The following RBFOX1 variants were observed in gnomAD, a reference collection of about 807,000 sequenced individuals.
The protein encoded by RBFOX1 is RNA binding protein fox-1 homolog 1.
RBFOX1 carries 8 observed loss-of-function variants against 57.7 expected under a neutral mutation model. The ratio of observed to expected loss-of-function variants is 0.14; its 90% CI spans 0.08 to 0.25. The LOEUF (loss-of-function observed/expected upper bound fraction) is 0.25. Among genes scored for constraint, RBFOX1 ranks in the 10% least tolerant of loss-of-function variants. The pLI is 1.00. For missense variants in RBFOX1, 611 were observed against 548.5 expected (o/e 1.11, Z -1.14); for synonymous variants, 326 against 222.4 (o/e 1.47, Z -4.15).
chr16:5,454,860 TTCTTTCTTTC>T, intron 1 of RBFOX1, among the ~76,000 whole-genome samples: 1 of 28,648 alleles, frequency 3.5e-5, no homozygotes. Flanking sequence ...TTTCTTTTCT[TTCTTTCTTTC>T]TTTCTTTCTT....
chr16:7,683,983 C>A (rs1302583931), intron 14 of RBFOX1, among the ~76,000 whole-genome samples: 1 of 152,078 alleles, frequency 6.6e-6, no homozygotes, highest in African/African-American at 2.4e-5. Context: ...GGTTTTATGT[C>A]ACTAGGTAGT....
intron 1 of RBFOX1, among the ~76,000 whole-genome samples, chr16:6,243,600 G>A (rs1372594440): frequency 1.3e-5 from 2 of 152,220 alleles, no homozygotes; most frequent in Non-Finnish European, 2.9e-5. Flanking sequence ...GTATAGACTC[G>A]GGTCAGGTGG....
intron 1 of RBFOX1, among the ~76,000 whole-genome samples, chr16:6,228,006 C>G (rs978013203): frequency 2.6e-5 from 4 of 152,146 alleles, no homozygotes; most frequent in African/African-American, 9.7e-5. Context: ...TATTGCAGCA[C>G]TATTCAAACT....
chr16:6,838,726 C>T (rs1009201855), intron 3 of RBFOX1, among the ~76,000 whole-genome samples: 3 of 152,138 alleles, frequency 2.0e-5, no homozygotes, highest in African/African-American at 4.8e-5. Context: ...CGTCCTGCAT[C>T]GGTAATACAT....
chr16:5,296,837 C>T (rs1173963289), intron 1 of RBFOX1, among the ~76,000 whole-genome samples: 1 of 151,986 alleles, frequency 6.6e-6, no homozygotes, highest in South Asian at 2.1e-4. Flanking sequence ...CACCACCACG[C>T]CCAGCTAATT....
intron 1 of RBFOX1, among the ~76,000 whole-genome samples, chr16:5,375,470 G>A (rs2151380253): frequency 6.6e-6 from 1 of 152,298 alleles, no homozygotes; most frequent in South Asian, 2.1e-4. Context: ...GGATAGTGAC[G>A]GTGATAAGTC....
intron 2 of RBFOX1, among the ~76,000 whole-genome samples, chr16:6,353,612 C>G (rs144312218): frequency 6.6e-6 from 1 of 152,144 alleles, no homozygotes; most frequent in Non-Finnish European, 1.5e-5. Flanking sequence ...GATTCAAAGA[C>G]TTATCTAAGA....
At chr16:5,603,159 A>T (rs137859589), downstream of RBFOX1, among the ~76,000 whole-genome samples, 130 of 152,310 alleles carry the variant, frequency 8.5e-4, no homozygotes, top group Middle Eastern at 0.02. Flanking sequence ...TCTCCCAGAA[A>T]GGGCTTTCCC....
chr16:6,406,275 C>T (rs1470775157), intron 2 of RBFOX1, among the ~76,000 whole-genome samples: 1 of 152,186 alleles, frequency 6.6e-6, no homozygotes, highest in Non-Finnish European at 1.5e-5. Flanking sequence ...CTCCTGTCAT[C>T]TGGGACTCAT....
chr16:6,429,609 G>T (rs1366010482), intron 2 of RBFOX1, among the ~76,000 whole-genome samples: 7 of 152,300 alleles, frequency 4.6e-5, no homozygotes, highest in Non-Finnish European at 8.8e-5. Context: ...TAATCCCCAT[G>T]TGTCAAGGGT....
intron 1 of RBFOX1, chr16:5,366,358 A>G: frequency 2.7e-6 from 1 of 373,008 alleles, no homozygotes; most frequent in Non-Finnish European, 5.2e-6. Flanking sequence ...TTTGATAATG[A>G]GAAAACTGAA....
At chr16:7,052,794 T>C (rs1197801810) in intron 4 of RBFOX1, among the ~76,000 whole-genome samples, 1 of 152,206 alleles carries the variant, frequency 6.6e-6, no homozygotes, top group Non-Finnish European at 1.5e-5. Flanking sequence ...TAAGAAACTT[T>C]GGGATTTCTT....
intron 4 of RBFOX1, among the ~76,000 whole-genome samples, chr16:7,174,479 G>T (rs2081282134): frequency 6.6e-6 from 1 of 152,104 alleles, no homozygotes; most frequent in Non-Finnish European, 1.5e-5. Context: ...TTAAGTTTGA[G>T]CTTAAGAAAC....
intron 4 of RBFOX1, among the ~76,000 whole-genome samples, chr16:7,313,679 C>T (rs971203906): frequency 6.8e-6 from 1 of 147,162 alleles, no homozygotes; most frequent in African/African-American, 2.5e-5. Context: ...CGAATAAGCA[C>T]TTTTACATGG....
In RBFOX1 at chr16:6,589,580, G is replaced by C. The variant is rs544805199; in HGVS notation, c.-63-65023G>C. 9.2e-5 allele frequency among the ~76,000 whole-genome samples: 14 copies of C among 152,324 alleles called. No homozygotes were observed. In the South Asian group the frequency reaches 2.9e-3, roughly 32 times the overall value. On this transcript the variant is annotated intron_variant, in intron 2 of 15. Transcript: ENST00000550418. ...ACTGGTCTTATATTTTACAATAGTGGTGTTATCCCAGGAGCAATCTGGGGA... is the reference window on the plus strand; with the variant it reads ...ACTGGTCTTATATTTTACAATAGTGCTGTTATCCCAGGAGCAATCTGGGGA...
At chr16:5,859,194 G>T (rs1305981694) in intron 3 of RBFOX1, among the ~76,000 whole-genome samples, 3 of 152,198 alleles carry the variant, frequency 2.0e-5, no homozygotes, top group Non-Finnish European at 4.4e-5. Context: ...GACACAGCGA[G>T]ACTCTGTCTC....
chr16:7,245,518 A>G (rs2094256729), intron 4 of RBFOX1, among the ~76,000 whole-genome samples: 1 of 152,234 alleles, frequency 6.6e-6, no homozygotes, highest in Non-Finnish European at 1.5e-5. Flanking sequence ...AACAGAGGCT[A>G]TTATGATTTG....
Position 6,184,547 on chromosome 16 carries a change from A to G in RBFOX1, c.-126-132448A>G, listed in dbSNP as rs569155938. On this transcript the variant is annotated intron_variant, in intron 1 of 15. Transcript: ENST00000550418. Reference sequence around the variant, plus strand: ...GAAAGAGAGAGAGGGGTCAGTGTTTACTATGGGAATTTTTATTATTCTTAT... The same window carrying G: ...GAAAGAGAGAGAGGGGTCAGTGTTTGCTATGGGAATTTTTATTATTCTTAT... Among the ~76,000 whole-genome samples the G allele has an allele frequency of 2.0e-5, 3 of 152,120 alleles. No individual in the cohort carries two copies. In the East Asian group the frequency reaches 5.9e-4, roughly 30 times the overall value.
intron 2 of RBFOX1, among the ~76,000 whole-genome samples, chr16:6,325,251 T>G (rs1309122787): frequency 2.0e-5 from 3 of 152,008 alleles, no homozygotes; most frequent in Non-Finnish European, 4.4e-5. Context: ...CCTAGCTACT[T>G]CAGAAGCTGA....
Sources: allele counts gnomAD v4.1 joint callset (sites outside exome capture counted in the v4.1 genomes callset), GRCh38; gene constraint gnomAD v4.1.1; transcripts MANE v1.5; gene names NCBI Gene and HGNC (gene_info 2026-07-23, HGNC 2026-07-21).